Variants in LRRC63 observed in about 807,000 individuals in gnomAD.
LRRC63 encodes the protein leucine rich repeat containing 63, also known as leucine-rich repeat-containing protein 63.
In LRRC63, 40 loss-of-function variants were observed where a neutral mutation model predicts 49.5. The observed-to-expected ratio is 0.81, with a 90% CI of 0.63 to 1.05. LRRC63 has a LOEUF of 1.05. LRRC63 is among the 50% of genes least tolerant of loss of function. LRRC63 has a pLI of 0.00. For synonymous variants in LRRC63, 191 were observed against 221.1 expected (o/e 0.86, Z 1.21); for missense variants, 636 against 663.1 (o/e 0.96, Z 0.45).
intron 5 of LRRC63, among the ~76,000 whole-genome samples, 154 bp downstream of exon 5, chr13:46,234,503 C>G (rs1221586599): frequency 2.0e-5 from 3 of 152,164 alleles, no homozygotes; most frequent in African/African-American, 7.2e-5. Flanking sequence ...CATCTCTAAA[C>G]CTATATTCCT....
exon 3 of LRRC63, chr13:46,228,017 TGCAACAGTGCCAAGC>T: frequency 1.3e-6 from 2 of 1,551,110 alleles, no homozygotes; most frequent in Non-Finnish European, 1.7e-6. Flanking sequence ...GAGACTTAAG[TGCAACAGTGCCAAGC>T]CCTCCACCTA....
intron 4 of LRRC63, among the ~76,000 whole-genome samples, chr13:46,233,688 G>A (rs983514830): frequency 1.3e-5 from 2 of 152,112 alleles, no homozygotes; most frequent in Non-Finnish European, 2.9e-5. Flanking sequence ...TGAGATGTTT[G>A]TTTGTTTCCT....
intron 7 of LRRC63, among the ~76,000 whole-genome samples, chr13:46,254,531 G>A (rs1198764689): frequency 6.6e-6 from 1 of 152,070 alleles, no homozygotes; most frequent in Non-Finnish European, 1.5e-5. Flanking sequence ...TAGTTATATG[G>A]GTAAGAAAAC....
chr13:46,276,697 T>A, exon 10 of LRRC63: 1 of 1,230,246 alleles, frequency 8.1e-7, no homozygotes, highest in African/African-American at 1.6e-5. Context: ...ATGTTTTATG[T>A]CTGTTCTCCT....
intron 7 of LRRC63, among the ~76,000 whole-genome samples, chr13:46,252,114 C>T (rs1363701246): frequency 3.3e-5 from 5 of 151,808 alleles, no homozygotes; most frequent in Non-Finnish European, 7.4e-5. Context: ...CTTTATTGAC[C>T]TCAAAGAAGA....
intron 9 of LRRC63, chr13:46,270,378 T>C: frequency 1.2e-6 from 1 of 861,586 alleles, no homozygotes. Flanking sequence ...CTCTGTAAGA[T>C]TTACTGCTCA....
At chr13:46,223,082 G>T (rs1265984744) in intron 2 of LRRC63, among the ~76,000 whole-genome samples, 1 of 148,248 alleles carries the variant, frequency 6.7e-6, no homozygotes, top group Non-Finnish European at 1.5e-5. Flanking sequence ...GAGGGGGGAA[G>T]GATAGCATTA....
At chr13:46,234,239 G>A in exon 5 of LRRC63, 1 of 1,550,174 alleles carries the variant, frequency 6.5e-7, no homozygotes, top group Non-Finnish European at 8.7e-7. Flanking sequence ...CGTTGTACGT[G>A]GTGAAGGTTT....
At chr13:46,216,049 G>A (rs542663739) in intron 2 of LRRC63, among the ~76,000 whole-genome samples, 47 of 152,262 alleles carry the variant, frequency 3.1e-4, no homozygotes, top group African/African-American at 1.0e-3. Context: ...GTCAGGTAGC[G>A]TGATGCCTCC....
chr13:46,266,946 A>T, exon 9 of LRRC63: 1 of 1,542,564 alleles, frequency 6.5e-7, no homozygotes, highest in Non-Finnish European at 8.7e-7. Flanking sequence ...ATAAGATCCC[A>T]GTAGAAGTTC....
intron 9 of LRRC63, chr13:46,270,515 T>A (rs753087929): frequency 2.5e-6 from 2 of 793,828 alleles, no homozygotes; most frequent in Admixed American, 1.7e-5. Context: ...TGCAGTTGAG[T>A]TACCCAAATT....
chr13:46,259,213 A>G (rs1225611477), intron 7 of LRRC63, among the ~76,000 whole-genome samples: 3 of 152,066 alleles, frequency 2.0e-5, no homozygotes, highest in African/African-American at 7.2e-5. Context: ...TGTCTTTTCA[A>G]CTCTCTTATA....
At chr13:46,276,838 A>ATATTTATATATATATATATT in exon 10 of LRRC63, 1 of 155,504 alleles carries the variant, frequency 6.4e-6, no homozygotes, top group East Asian at 1.7e-4. Flanking sequence ...GTATATATAT[A>ATATTTATATATATATATATT]TATATATATA....
intron 2 of LRRC63, among the ~76,000 whole-genome samples, chr13:46,227,169 G>A (rs528351416): frequency 6.6e-6 from 1 of 152,142 alleles, no homozygotes; most frequent in Non-Finnish European, 1.5e-5. Context: ...TTCATCAATT[G>A]TATCCATCCC....
intron 5 of LRRC63, among the ~76,000 whole-genome samples, chr13:46,240,910 G>A (rs1205398465): frequency 1.3e-5 from 2 of 152,112 alleles, no homozygotes; most frequent in East Asian, 1.9e-4. Flanking sequence ...CCATACTGAC[G>A]AAAGCGATTT....
chr13:46,240,784 A>G (rs1431860858), intron 5 of LRRC63, among the ~76,000 whole-genome samples: 3 of 152,228 alleles, frequency 2.0e-5, no homozygotes, highest in Non-Finnish European at 2.9e-5. Flanking sequence ...AAGGATGTGA[A>G]CGATCTCTAC....
chr13:46,221,638 G>T (rs1296170543), intron 2 of LRRC63, among the ~76,000 whole-genome samples: 3 of 152,138 alleles, frequency 2.0e-5, no homozygotes, highest in Non-Finnish European at 4.4e-5. Flanking sequence ...GGGTTCATAA[G>T]TATATGGGAC....
intron 7 of LRRC63, among the ~76,000 whole-genome samples, chr13:46,253,605 A>G (rs1187541082): frequency 2.0e-5 from 3 of 152,118 alleles, no homozygotes; most frequent in Non-Finnish European, 4.4e-5. Flanking sequence ...TGGGAATAAC[A>G]TGGGAGGTAA....
At chr13:46,213,918 A>T (rs971725236) in intron 2 of LRRC63, among the ~76,000 whole-genome samples, 23 of 152,194 alleles carry the variant, frequency 1.5e-4, no homozygotes, top group Admixed American at 1.3e-3. Flanking sequence ...GTGAGCAAAA[A>T]CAGACCTTAC....
Sources: allele counts gnomAD v4.1 joint callset (sites outside exome capture counted in the v4.1 genomes callset), GRCh38; gene constraint gnomAD v4.1.1; transcripts MANE v1.5; gene names NCBI Gene and HGNC (gene_info 2026-07-23, HGNC 2026-07-21).